Variants in DACH2 observed in about 807,000 individuals in gnomAD.
The protein encoded by DACH2 is dachshund family transcription factor 2.
A neutral mutation model predicts 35.8 loss-of-function variants in DACH2; 17 were observed. The ratio of observed to expected loss-of-function variants is 0.48; its 90% CI spans 0.33 to 0.71. The LOEUF is 0.71. DACH2 is among the 30% of genes least tolerant of loss of function. The pLI is 0.02. For missense variants in DACH2, 469 were observed against 472.7 expected (o/e 0.99, Z 0.07); for synonymous variants, 195 against 177.3 (o/e 1.10, Z -0.79).
At chrX:86,721,264 C>A (rs1265029816) in intron 6 of DACH2, among the ~76,000 whole-genome samples, 8 of 112,190 alleles carry the variant, frequency 7.1e-5, no homozygotes, top group Admixed American at 5.6e-4. Flanking sequence ...TTTTCTATTG[C>A]ATCATCAGGC....
At chrX:86,301,997 G>A (rs890615652) in intron 1 of DACH2, among the ~76,000 whole-genome samples, 26 of 111,488 alleles carry the variant, frequency 2.3e-4, no homozygotes, top group African/African-American at 7.5e-4. Context: ...GTGTTAATGT[G>A]TAGTTAATGT....
chrX:86,568,706 C>A, intron 3 of DACH2, among the ~76,000 whole-genome samples: 1 of 111,108 alleles, frequency 9.0e-6, no homozygotes, highest in East Asian at 2.9e-4. Context: ...TGTTTGCGGC[C>A]TTTGTGTTAG....
intron 1 of DACH2, among the ~76,000 whole-genome samples, chrX:86,323,392 G>A (rs993850586): frequency 2.7e-5 from 3 of 111,672 alleles, no homozygotes; most frequent in African/African-American, 9.8e-5. Context: ...TAGTCTTTGA[G>A]ATCTGGAACA....
At chrX:86,822,571 T>G (rs1055005337) in intron 11 of DACH2, among the ~76,000 whole-genome samples, 1 of 112,070 alleles carries the variant, frequency 8.9e-6, no homozygotes, top group Non-Finnish European at 1.9e-5. Context: ...TATCTCACTG[T>G]GCATCACTAT....
chrX:86,485,052 AT>A (rs951413271), intron 2 of DACH2, among the ~76,000 whole-genome samples: 4 of 111,657 alleles, frequency 3.6e-5, no homozygotes, highest in Admixed American at 1.9e-4. Flanking sequence ...CTGCATGTGT[AT>A]TTTTTTGTGT....
chrX:86,317,528 T>C (rs1459342205), intron 1 of DACH2, among the ~76,000 whole-genome samples: 1 of 112,289 alleles, frequency 8.9e-6, no homozygotes, highest in African/African-American at 3.2e-5. Context: ...TAATAGAAGA[T>C]TTATGAAGTT....
At chrX:86,195,915 G>A (rs1324699365) in intron 1 of DACH2, among the ~76,000 whole-genome samples, 2 of 111,486 alleles carry the variant, frequency 1.8e-5, no homozygotes, top group African/African-American at 6.5e-5. Context: ...AATCAAATAG[G>A]ATAAAAGAAA....
intron 3 of DACH2, among the ~76,000 whole-genome samples, chrX:86,604,502 G>A (rs1221577203): frequency 3.6e-5 from 4 of 111,735 alleles, no homozygotes; most frequent in Non-Finnish European, 7.6e-5. Flanking sequence ...TTTTGATTTA[G>A]ATCATAGATT....
At chrX:86,256,564 T>G (rs770873266) in intron 1 of DACH2, among the ~76,000 whole-genome samples, 1 of 111,621 alleles carries the variant, frequency 9.0e-6, no homozygotes, top group Non-Finnish European at 1.9e-5. Flanking sequence ...AACAACATAC[T>G]GCATCTGACT....
intron 2 of DACH2, among the ~76,000 whole-genome samples, chrX:86,499,678 A>G (rs1252726577): frequency 1.8e-5 from 2 of 111,648 alleles, no homozygotes; most frequent in African/African-American, 6.5e-5. Flanking sequence ...TCATAGTTAA[A>G]TTTTGCCAAA....
rs773049178 is a variant in DACH2 at position 86,460,413 on chromosome X, T to C, written c.528-53866T>C. Among the ~76,000 whole-genome samples the C allele has an allele frequency of 3.6e-5, 4 of 111,071 alleles. No homozygotes were observed. In the Admixed American group the frequency reaches 3.9e-4, roughly 11 times the overall value. On this transcript the variant is annotated intron_variant, in intron 2 of 11. Transcript: ENST00000373125. ...TTATTATTAGTAGAATTAAATTCTA[T>C]TGTAATAGAGATTACCTTTAAAACA...
intron 1 of DACH2, among the ~76,000 whole-genome samples, chrX:86,240,841 C>T (rs963694128): frequency 1.1e-4 from 12 of 110,120 alleles, no homozygotes; most frequent in Admixed American, 5.8e-4. Flanking sequence ...AAGTGTGTGG[C>T]ACCTCCCTCT....
At chrX:86,728,784 G>A (rs1401947175) in intron 6 of DACH2, among the ~76,000 whole-genome samples, 1 of 112,902 alleles carries the variant, frequency 8.9e-6, no homozygotes, top group Non-Finnish European at 1.9e-5. Flanking sequence ...TCTGTCTGAT[G>A]TTAATACTAC....
intron 3 of DACH2, among the ~76,000 whole-genome samples, chrX:86,521,960 T>A (rs1350762286): frequency 8.9e-6 from 1 of 111,883 alleles, no homozygotes; most frequent in African/African-American, 3.2e-5. Context: ...ATGTAAATCA[T>A]CCAGGATGCA....
intron 3 of DACH2, among the ~76,000 whole-genome samples, chrX:86,536,182 A>C (rs184336932): frequency 9.0e-6 from 1 of 110,708 alleles, no homozygotes; most frequent in Non-Finnish European, 1.9e-5. Context: ...ACAAATTCTG[A>C]TGTTAGGAAT....
chrX:86,587,354 C>G (rs1444591097), intron 3 of DACH2, among the ~76,000 whole-genome samples: 1 of 111,420 alleles, frequency 9.0e-6, no homozygotes, highest in Non-Finnish European at 1.9e-5. Context: ...CATGACATCT[C>G]CAAATAGAGA....
chrX:86,575,352 G>T (rs754070701), intron 3 of DACH2, among the ~76,000 whole-genome samples: 4 of 110,933 alleles, frequency 3.6e-5, no homozygotes, highest in African/African-American at 6.6e-5. Flanking sequence ...GCAATGGTGG[G>T]GGGGGAAGCT....
intron 3 of DACH2, among the ~76,000 whole-genome samples, chrX:86,590,366 A>G (rs940562538): frequency 2.7e-5 from 3 of 111,838 alleles, no homozygotes; most frequent in Admixed American, 1.9e-4. Flanking sequence ...CAAAGGAACA[A>G]TGAAATCTAA....
intron 2 of DACH2, among the ~76,000 whole-genome samples, chrX:86,482,977 C>T (rs1311086672): frequency 1.8e-5 from 1 of 56,200 alleles, no homozygotes; most frequent in Admixed American, 3.1e-4. Context: ...ACATCACACT[C>T]TGGGGACTGT....
Sources: allele counts gnomAD v4.1 joint callset (sites outside exome capture counted in the v4.1 genomes callset), GRCh38; gene constraint gnomAD v4.1.1; transcripts MANE v1.5; gene names NCBI Gene and HGNC (gene_info 2026-07-23, HGNC 2026-07-21).